Variants in PRKD1 observed in about 807,000 individuals in gnomAD.
PRKD1 encodes the protein protein kinase D1.
PRKD1 carries 63 observed loss-of-function variants against 95.9 expected under a neutral mutation model. That is an observed-to-expected ratio of 0.66 (90% CI 0.54 to 0.81). The LOEUF is 0.81. Ranked by LOEUF, PRKD1 falls within the 30% of genes least tolerant of loss-of-function variation. The pLI is 0.00. For synonymous variants in PRKD1, 425 were observed against 423.1 expected (o/e 1.00, Z -0.05); for missense variants, 1,048 against 1,165.3 (o/e 0.90, Z 1.47).
At chr14:29,601,789 T>C (rs1477806701) in intron 13 of PRKD1, among the ~76,000 whole-genome samples, 1 of 152,230 alleles carries the variant, frequency 6.6e-6, no homozygotes, top group Non-Finnish European at 1.5e-5. Context: ...CTTGAACTTG[T>C]GTCCCAGGCT....
chr14:29,781,901 T>C (rs1171978602), intron 1 of PRKD1, among the ~76,000 whole-genome samples: 1 of 152,234 alleles, frequency 6.6e-6, no homozygotes, highest in African/African-American at 2.4e-5. Context: ...TGCTCTGAGA[T>C]GTACAATTCA....
chr14:29,615,895 G>A lies in PRKD1; in HGVS notation c.1905+8257C>T, dbSNP rs77293557. Reference sequence around the variant, plus strand: ...AGTATCTTGTGGGGAAAAACATTAGGGTTACGTGTTTGGCTTTAGGCTGAT... The same window carrying A: ...AGTATCTTGTGGGGAAAAACATTAGAGTTACGTGTTTGGCTTTAGGCTGAT... On this transcript the variant is annotated intron_variant, in intron 13 of 17. Transcript: ENST00000331968. 7.2e-5 allele frequency among the ~76,000 whole-genome samples: 11 copies of A among 152,188 alleles called. No individual in the cohort carries two copies. In the East Asian group the frequency reaches 1.9e-3, roughly 27 times the overall value.
chr14:29,789,686 G>A (rs1889446117), intron 1 of PRKD1, among the ~76,000 whole-genome samples: 1 of 152,082 alleles, frequency 6.6e-6, no homozygotes, highest in Non-Finnish European at 1.5e-5. Flanking sequence ...AGTGCACATG[G>A]GCCCATCTTT....
At chr14:29,926,087 C>T (rs1369505619) in intron 1 of PRKD1, among the ~76,000 whole-genome samples, 1 of 152,350 alleles carries the variant, frequency 6.6e-6, no homozygotes, top group South Asian at 2.1e-4. Flanking sequence ...TAGTCTAGAA[C>T]TTTCACAACT....
intron 1 of PRKD1, among the ~76,000 whole-genome samples, chr14:29,910,438 A>G (rs544905947): frequency 3.0e-4 from 45 of 152,290 alleles, no homozygotes; most frequent in African/African-American, 1.0e-3. Flanking sequence ...CCGTGGCTTC[A>G]TTGTTGAAGT....
chr14:29,732,042 T>C (rs1221806394), intron 1 of PRKD1, among the ~76,000 whole-genome samples: 1 of 151,946 alleles, frequency 6.6e-6, no homozygotes, highest in Non-Finnish European at 1.5e-5. Context: ...CCAGCTAATT[T>C]TTGTATTTTT....
At chr14:29,621,003 A>AT (rs1206067872) in intron 13 of PRKD1, among the ~76,000 whole-genome samples, 10 of 152,082 alleles carry the variant, frequency 6.6e-5, no homozygotes, top group African/African-American at 2.2e-4. Flanking sequence ...CTAGAATACT[A>AT]TGCAGCCATA....
intron 1 of PRKD1, among the ~76,000 whole-genome samples, chr14:29,747,134 T>G (rs1469764395): frequency 6.6e-6 from 1 of 152,148 alleles, no homozygotes; most frequent in African/African-American, 2.4e-5. Context: ...ATTACCCAAA[T>G]GTGATAAGTA....
Position 29,744,716 on chromosome 14 carries a change from T to G in PRKD1, c.265-19042A>C, listed in dbSNP as rs139207921. 7.9e-5 allele frequency among the ~76,000 whole-genome samples: 12 copies of G among 152,158 alleles called. 1 individual carries two copies. Among genetic ancestry groups the G allele is most frequent in the African/African-American group, 2.9e-4 (12 of 41,504 alleles). Reference sequence around the variant, plus strand: ...TGCCCGCCACCATGCCCAGCTAATTTTTTGTATTTTTAGTACAGATGAGGT... The same window carrying G: ...TGCCCGCCACCATGCCCAGCTAATTGTTTGTATTTTTAGTACAGATGAGGT... On this transcript the variant is annotated intron_variant, in intron 1 of 17. Transcript: ENST00000331968.
chr14:29,654,904 G>A (rs1169830700), intron 4 of PRKD1, among the ~76,000 whole-genome samples: 2 of 152,206 alleles, frequency 1.3e-5, no homozygotes, highest in South Asian at 2.1e-4. Context: ...AAAGAGAAAA[G>A]TCTGTTATCT....
chr14:29,903,206 T>C (rs1374159802), intron 1 of PRKD1, among the ~76,000 whole-genome samples: 1 of 152,212 alleles, frequency 6.6e-6, no homozygotes, highest in Non-Finnish European at 1.5e-5. Flanking sequence ...TAACAAATAA[T>C]GTATTGGCCT....
chr14:29,688,710 T>C (rs1184764927), intron 2 of PRKD1, among the ~76,000 whole-genome samples: 2 of 152,030 alleles, frequency 1.3e-5, no homozygotes, highest in African/African-American at 2.4e-5. Flanking sequence ...GGCAGGCTGA[T>C]TGCCTGAGCT....
intron 1 of PRKD1, among the ~76,000 whole-genome samples, chr14:29,884,902 C>G (rs1416281186): frequency 6.6e-6 from 1 of 152,090 alleles, no homozygotes; most frequent in Admixed American, 6.5e-5. Flanking sequence ...GCGGGTGGAT[C>G]ACGAGGTCAG....
intron 13 of PRKD1, among the ~76,000 whole-genome samples, chr14:29,613,028 G>A (rs977001238): frequency 3.9e-5 from 6 of 152,092 alleles, no homozygotes; most frequent in Non-Finnish European, 5.9e-5. Flanking sequence ...AACTCGGGAG[G>A]TGGAGCTTGC....
chr14:29,825,750 A>G (rs2139279145), intron 1 of PRKD1, among the ~76,000 whole-genome samples: 1 of 152,200 alleles, frequency 6.6e-6, no homozygotes, highest in Non-Finnish European at 1.5e-5. Flanking sequence ...TTTTTGAAAG[A>G]TATTTTTTTC....
rs45595232 is a variant in PRKD1, at chr14:29,759,794, GA to G, written c.265-34121del. The stretch of plus-strand genomic sequence containing the variant: ...CTAAATGAAAGCCTTAGATGAAAGT[GA>G]AAAATCGTCAAATGAAAACTCTCAA... On this transcript the variant is annotated intron_variant, in intron 1 of 17. Coordinates refer to ENST00000331968, the MANE Select transcript of PRKD1 (RefSeq NM_002742.3). Among the ~76,000 whole-genome samples, 999 of 152,286 alleles carry G rather than the reference GA, an allele frequency of 6.6e-3. 3 individuals carry two copies. The highest frequency in any genetic ancestry group is 0.023 in the African/African-American group (935 of 41,546).
intron 1 of PRKD1, among the ~76,000 whole-genome samples, chr14:29,799,926 G>A (rs1344103291): frequency 1.3e-5 from 2 of 151,904 alleles, no homozygotes; most frequent in Admixed American, 6.6e-5. Context: ...TTTGCATTTT[G>A]TGCTTCTTCT....
intron 1 of PRKD1, among the ~76,000 whole-genome samples, chr14:29,877,943 T>TA (rs1266772673): frequency 6.6e-6 from 1 of 152,226 alleles, no homozygotes; most frequent in Non-Finnish European, 1.5e-5. Flanking sequence ...ATGAGGTACA[T>TA]ATACACCATG....
intron 1 of PRKD1, among the ~76,000 whole-genome samples, chr14:29,831,550 C>T (rs963346356): frequency 2.0e-5 from 3 of 151,380 alleles, no homozygotes; most frequent in African/African-American, 7.3e-5. Context: ...TTCACCGCAA[C>T]CTCCATCTCC....
Sources: allele counts gnomAD v4.1 joint callset (sites outside exome capture counted in the v4.1 genomes callset), GRCh38; gene constraint gnomAD v4.1.1; transcripts MANE v1.5; gene names NCBI Gene and HGNC (gene_info 2026-07-23, HGNC 2026-07-21).